The following BCKDHB variants were observed in gnomAD, a reference collection of about 807,000 sequenced individuals.
BCKDHB encodes branched chain keto acid dehydrogenase E1 subunit beta, also known as 2-oxoisovalerate dehydrogenase subunit beta, mitochondrial.
BCKDHB carries 41 observed loss-of-function variants against 48.5 expected under a neutral mutation model. The observed-to-expected ratio is 0.85, with a 90% confidence interval of 0.66 to 1.10. The LOEUF (loss-of-function observed/expected upper bound fraction) is 1.10, where lower values mean the gene tolerates loss of function less well. Among genes scored for constraint, BCKDHB ranks in the 50% least tolerant of loss-of-function variants. BCKDHB has a pLI of 0.00. For missense variants in BCKDHB, 496 were observed against 494.2 expected (o/e 1.00, Z -0.03); for synonymous variants, 201 against 174.8 (o/e 1.15, Z -1.18).
intron 6 of BCKDHB, 69 bp from the exon 7 acceptor site, chr6:80,200,865 A>C (rs1774356472): frequency 7.9e-7 from 1 of 1,263,580 alleles, no homozygotes; most frequent in Non-Finnish European, 1.1e-6. Flanking sequence ...TGAGCTTCTT[A>C]AATTATTTTA....
the BCKDHB span, among the ~76,000 whole-genome samples, chr6:80,378,919 T>C: frequency 6.6e-6 from 1 of 152,160 alleles, no homozygotes; most frequent in East Asian, 1.9e-4. Context: ...TTTATTGGAA[T>C]ACTTAGTAAT....
chr6:80,195,920 T>A (rs1774108782), intron 6 of BCKDHB, among the ~76,000 whole-genome samples: 1 of 152,202 alleles, frequency 6.6e-6, no homozygotes, highest in Non-Finnish European at 1.5e-5. Flanking sequence ...TATACTTGAC[T>A]TCATTTTAAA....
intron 9 of BCKDHB, among the ~76,000 whole-genome samples, 160 bp downstream of exon 9, chr6:80,273,381 T>C (rs1438254247): frequency 6.6e-6 from 1 of 152,148 alleles, no homozygotes. Flanking sequence ...TTTCATTTTT[T>C]ATTCTGACCA....
chr6:80,404,361 G>A, the BCKDHB span, among the ~76,000 whole-genome samples: 2 of 151,754 alleles, frequency 1.3e-5, no homozygotes, highest in South Asian at 2.1e-4. Flanking sequence ...CCTTTTTGAT[G>A]TATAATTATA....
intron 3 of BCKDHB, among the ~76,000 whole-genome samples, chr6:80,166,098 A>C (rs1772555202): frequency 6.6e-6 from 1 of 152,104 alleles, no homozygotes; most frequent in Admixed American, 6.6e-5. Context: ...CACTGGGCTT[A>C]ATTTCTTTCA....
the BCKDHB span, among the ~76,000 whole-genome samples, chr6:80,371,357 T>C: frequency 6.6e-6 from 1 of 152,132 alleles, no homozygotes. Context: ...TGCTGATTTG[T>C]TTGAGTTCCT....
At chr6:80,136,250 G>C (rs145689373) in intron 3 of BCKDHB, among the ~76,000 whole-genome samples, 1 of 152,078 alleles carries the variant, frequency 6.6e-6, no homozygotes. Context: ...CGGTGTGACA[G>C]TGGCAAAAAG....
At chr6:80,251,338 C>G (rs550642585) in intron 8 of BCKDHB, among the ~76,000 whole-genome samples, 2 of 152,250 alleles carry the variant, frequency 1.3e-5, no homozygotes, top group East Asian at 3.9e-4. Flanking sequence ...GAGCAAATTA[C>G]TTAATTGACA....
the BCKDHB span, among the ~76,000 whole-genome samples, chr6:80,360,619 A>G: frequency 4.6e-5 from 7 of 152,310 alleles, no homozygotes; most frequent in South Asian, 1.0e-3. Context: ...TGGTACATGT[A>G]TATTTCATTG....
At position 80,273,200 on chromosome 6, in the gene BCKDHB, G is replaced by A. The variant is rs773855234; in HGVS notation, c.1017G>A (p.Ser339=). The part of the protein sequence containing the change: ...HEAPLTGGFA[S]EISSTVQEEC... ...CTCCCTTGACAGGCGGCTTTGCATC[G>A]GAAATCAGCTCTACAGTTCAGGTAG... is the stretch of plus-strand genomic sequence containing the variant. Residue 339 remains serine (S), a synonymous_variant, in exon 9 of 10, where the codon TCG becomes TCA. Transcript: ENST00000320393. 2.6e-5 allele frequency: 42 copies of A among 1,613,244 alleles called. No homozygotes were observed. The highest frequency in any genetic ancestry group is 5.3e-5 in the African/African-American group (4 of 74,844).
intron 8 of BCKDHB, among the ~76,000 whole-genome samples, chr6:80,269,275 G>A (rs990510724): frequency 6.6e-6 from 1 of 152,160 alleles, no homozygotes; most frequent in Non-Finnish European, 1.5e-5. Flanking sequence ...TGGCAATGCC[G>A]TGTGTACGGA....
At chr6:80,190,776 G>A (rs898953308) in intron 6 of BCKDHB, among the ~76,000 whole-genome samples, 2 of 152,110 alleles carry the variant, frequency 1.3e-5, no homozygotes, top group Non-Finnish European at 2.9e-5. Context: ...TAATTCATGG[G>A]TTGGAAGCAA....
At chr6:80,241,401 G>A (rs1050951877) in intron 8 of BCKDHB, among the ~76,000 whole-genome samples, 1 of 152,112 alleles carries the variant, frequency 6.6e-6, no homozygotes, top group Non-Finnish European at 1.5e-5. Context: ...TCTACCTTTC[G>A]TCTTTGATGA....
At chr6:80,164,914 AG>A (rs1772497704) in intron 3 of BCKDHB, among the ~76,000 whole-genome samples, 1 of 152,214 alleles carries the variant, frequency 6.6e-6, no homozygotes, top group African/African-American at 2.4e-5. Context: ...CTCCTCAATC[AG>A]TATCTGGGAG....
intron 9 of BCKDHB, among the ~76,000 whole-genome samples, chr6:80,328,557 TA>T (rs1242816904): frequency 2.0e-5 from 3 of 152,214 alleles, no homozygotes; most frequent in African/African-American, 7.2e-5. Context: ...GATCAGTGCA[TA>T]TCTAGAGGCG....
chr6:80,259,346 A>T (rs1777191500), intron 8 of BCKDHB, among the ~76,000 whole-genome samples: 1 of 152,228 alleles, frequency 6.6e-6, no homozygotes, highest in Non-Finnish European at 1.5e-5. Context: ...TACGGTTGGC[A>T]GTCCCAGGGT....
At chr6:80,407,333 A>G in the BCKDHB span, among the ~76,000 whole-genome samples, 5 of 152,164 alleles carry the variant, frequency 3.3e-5, no homozygotes, top group Admixed American at 2.6e-4. Context: ...TGTCCTTGCT[A>G]TGCAGGCTCT....
the BCKDHB span, among the ~76,000 whole-genome samples, chr6:80,414,647 G>T: frequency 6.6e-6 from 1 of 152,060 alleles, no homozygotes; most frequent in East Asian, 1.9e-4. Flanking sequence ...GCACCACGTT[G>T]TTTTATTTAC....
At chr6:80,231,317 A>G (rs1775913890) in intron 8 of BCKDHB, among the ~76,000 whole-genome samples, 1 of 152,246 alleles carries the variant, frequency 6.6e-6, no homozygotes, top group African/African-American at 2.4e-5. Flanking sequence ...CAGAAAATAT[A>G]GAAGCTATAA....
Sources: allele counts gnomAD v4.1 joint callset (sites outside exome capture counted in the v4.1 genomes callset), GRCh38; gene constraint gnomAD v4.1.1; transcripts MANE v1.5; gene names NCBI Gene and HGNC (gene_info 2026-07-23, HGNC 2026-07-21).